Variants in GREB1 observed in about 807,000 individuals in gnomAD.
The protein encoded by GREB1 is growth regulating estrogen receptor binding 1.
GREB1 carries 106 observed loss-of-function variants against 200.7 expected under a neutral mutation model. The ratio of observed to expected loss-of-function variants is 0.53; its 90% CI spans 0.45 to 0.62. The LOEUF is 0.62. Ranked by LOEUF, GREB1 falls within the 20% of genes least tolerant of loss-of-function variation. The probability of loss-of-function intolerance (pLI) is 0.00; values close to 1 mark genes in which losing one functional copy is unlikely to be tolerated. For missense variants in GREB1, 2,243 were observed against 2,556.8 expected (o/e 0.88, Z 2.65); for synonymous variants, 1,132 against 1,092.4 (o/e 1.04, Z -0.72).
At chr2:11,520,177 A>G (rs536612854) in intron 1 of GREB1, among the ~76,000 whole-genome samples, 56 of 152,342 alleles carry the variant, frequency 3.7e-4, no homozygotes, top group African/African-American at 1.3e-3. Flanking sequence ...AGTACTTACC[A>G]TAATACTCAG....
intron 1 of GREB1, among the ~76,000 whole-genome samples, chr2:11,516,635 AG>A (rs1238345497): frequency 6.6e-6 from 1 of 152,076 alleles, no homozygotes; most frequent in East Asian, 1.9e-4. Flanking sequence ...TTTCTTACTA[AG>A]GCTGTGGGCC....
At chr2:11,530,128 C>G (rs530024462), upstream of GREB1, among the ~76,000 whole-genome samples, 7 of 152,110 alleles carry the variant, frequency 4.6e-5, no homozygotes, top group South Asian at 1.2e-3. Flanking sequence ...GGGGCACCAT[C>G]TTGGCTCACT....
At chr2:11,614,659 G>A (rs928407651) in intron 19 of GREB1, among the ~76,000 whole-genome samples, 1 of 151,732 alleles carries the variant, frequency 6.6e-6, no homozygotes, top group African/African-American at 2.4e-5. Flanking sequence ...TGCCTCCCGG[G>A]TTCACTCCAT....
At chr2:11,529,581 C>T (rs1673997106), upstream of GREB1, among the ~76,000 whole-genome samples, 1 of 152,182 alleles carries the variant, frequency 6.6e-6, no homozygotes, top group Admixed American at 6.5e-5. Context: ...CTGGAGTTCC[C>T]TGGCAGCTTT....
intron 1 of GREB1, among the ~76,000 whole-genome samples, chr2:11,542,092 T>C (rs995035230): frequency 6.6e-6 from 1 of 152,084 alleles, no homozygotes; most frequent in African/African-American, 2.4e-5. Flanking sequence ...GGTGAGGTTC[T>C]TCAGGGCAGG....
At chr2:11,491,557 T>C (rs1672773914) in intron 1 of GREB1, among the ~76,000 whole-genome samples, 1 of 152,220 alleles carries the variant, frequency 6.6e-6, no homozygotes. Context: ...ATTAGAAGCA[T>C]GTTTTGTCTC....
At chr2:11,599,520 T>C (rs1455796027) in intron 15 of GREB1, among the ~76,000 whole-genome samples, 8 of 25,170 alleles carry the variant, frequency 3.2e-4, no homozygotes, top group African/African-American at 7.0e-4. Context: ...CGTTTTTGTA[T>C]TTTTTTTTTT....
At chr2:11,535,840 C>T (rs192212820) in intron 1 of GREB1, among the ~76,000 whole-genome samples, 45 of 152,332 alleles carry the variant, frequency 3.0e-4, no homozygotes, top group Admixed American at 2.4e-3. Context: ...TCTCTGAAAT[C>T]TCTGGGCTGT....
chr2:11,593,487 G>A (rs1033160503), intron 11 of GREB1, among the ~76,000 whole-genome samples: 4 of 152,172 alleles, frequency 2.6e-5, no homozygotes, highest in African/African-American at 9.7e-5. Flanking sequence ...TCTGTGTTCA[G>A]GAGCCAATTA....
chr2:11,582,468 C>T (rs925169611), intron 7 of GREB1, among the ~76,000 whole-genome samples: 3 of 152,224 alleles, frequency 2.0e-5, no homozygotes, highest in Admixed American at 6.5e-5. Context: ...GCCTGCGTCC[C>T]GGCTCTGGGC....
chr2:11,520,720 C>G (rs1160526142), intron 1 of GREB1, among the ~76,000 whole-genome samples: 1 of 152,170 alleles, frequency 6.6e-6, no homozygotes, highest in Admixed American at 6.5e-5. Flanking sequence ...CCCAGGTAGT[C>G]CAGCATTATC....
chr2:11,509,369 A>G (rs1673286634), intron 1 of GREB1, among the ~76,000 whole-genome samples: 1 of 152,098 alleles, frequency 6.6e-6, no homozygotes, highest in Non-Finnish European at 1.5e-5. Flanking sequence ...ATTTTGTTTT[A>G]TTACACTCTG....
At chr2:11,523,465 G>A (rs2148476442) in intron 1 of GREB1, among the ~76,000 whole-genome samples, 1 of 152,254 alleles carries the variant, frequency 6.6e-6, no homozygotes, top group East Asian at 1.9e-4. Flanking sequence ...ATTGCTATTG[G>A]TCTTGGGATG....
chr2:11,629,507 G>A lies in GREB1; in HGVS notation c.4450-441G>A, dbSNP rs550377410. ...AGGACAGAACGGTGCCTGGCGAGCC[G>A]TGTTATAGGAGTGTCCAAGCATATG... On this transcript the variant is annotated intron_variant, in intron 25 of 32. Transcript: ENST00000381486. This position sits in a 1 kb window ranked among gnomAD's most constrained non-coding sequence, Gnocchi z 5.2. Among the ~76,000 whole-genome samples the A allele has an allele frequency of 4.4e-4, 67 of 152,312 alleles. No individual in the cohort carries two copies. The highest frequency in any genetic ancestry group is 1.3e-3 in the African/African-American group (53 of 41,572).
Position 11,632,133 on chromosome 2 carries a change from A to G in GREB1, c.4816+20A>G. The G allele has an allele frequency of 1.3e-6, 2 of 1,560,678 alleles. No individual in the cohort carries two copies. The highest frequency in any genetic ancestry group is 1.4e-5 in the African/African-American group (1 of 73,980). On this transcript the variant is annotated intron_variant, in intron 27 of 32. Transcript: ENST00000381486. ...GAGTTGGTGAGTGTCCTTTAACATC[A>G]TCTACTCAGTCAAACTCCTGTGAAC...
chr2:11,546,378 TACAC>T (rs1172838006), intron 1 of GREB1, among the ~76,000 whole-genome samples: 1 of 152,164 alleles, frequency 6.6e-6, no homozygotes, highest in African/African-American at 2.4e-5. Context: ...AGTAAATAAA[TACAC>T]ACATATATAT....
At chr2:11,521,717 C>T (rs1181316918) in intron 1 of GREB1, among the ~76,000 whole-genome samples, 1 of 152,204 alleles carries the variant, frequency 6.6e-6, no homozygotes, top group Non-Finnish European at 1.5e-5. Flanking sequence ...TAAATTTTAA[C>T]GTGTAAATAA....
At chr2:11,593,224 G>C (rs1680912889) in intron 11 of GREB1, 98 bp downstream of exon 11, 5 of 842,474 alleles carry the variant, frequency 5.9e-6, no homozygotes, top group Non-Finnish European at 8.9e-6. Context: ...GGGTGGCCCG[G>C]GTTTGCAGCA....
intron 1 of GREB1, among the ~76,000 whole-genome samples, chr2:11,523,363 C>A (rs1056628788): frequency 6.6e-6 from 1 of 152,048 alleles, no homozygotes; most frequent in Admixed American, 6.6e-5. Flanking sequence ...AACCTGCACA[C>A]GCACCCTAAA....
Sources: gnomAD v4.1 joint callset for allele counts (sites outside exome capture counted in the v4.1 genomes callset) on GRCh38, gnomAD v4.1.1 for gene constraint, Gnocchi (gnomAD v3.1) non-coding constraint, MANE v1.5 for transcripts, NCBI Gene and HGNC (gene_info 2026-07-23, HGNC 2026-07-21) for gene names.